The following BACE2 variants were observed in gnomAD, a reference collection of about 807,000 sequenced individuals.
The protein encoded by BACE2 is 56 kDa aspartic-like protease.
In BACE2, 17 loss-of-function variants were observed where a neutral mutation model predicts 46.2. The observed-to-expected ratio is 0.37, with a 90% CI of 0.25 to 0.55. The LOEUF (loss-of-function observed/expected upper bound fraction) is 0.55, where lower values mean the gene tolerates loss of function less well. Among genes scored for constraint, BACE2 ranks in the 20% least tolerant of loss-of-function variants. The probability of loss-of-function intolerance (pLI) is 0.82; values close to 1 mark genes in which losing one functional copy is unlikely to be tolerated. For synonymous variants in BACE2, 277 were observed against 295.9 expected (o/e 0.94, Z 0.66); for missense variants, 595 against 698.1 (o/e 0.85, Z 1.66).
chr21:41,267,413 G>C (rs76706440), intron 8 of BACE2, among the ~76,000 whole-genome samples: 74 of 152,294 alleles, frequency 4.9e-4, no homozygotes, highest in African/African-American at 1.7e-3. Flanking sequence ...ACAACTCTCT[G>C]TTATTTTAGT....
chr21:41,171,752 A>G (rs1311502416), intron 1 of BACE2, among the ~76,000 whole-genome samples: 1 of 152,246 alleles, frequency 6.6e-6, no homozygotes, highest in African/African-American at 2.4e-5. Flanking sequence ...TATACCTTGT[A>G]GTAGCTTCAA....
chr21:41,169,350 C>T (rs1601232711), intron 1 of BACE2, among the ~76,000 whole-genome samples: 1 of 149,510 alleles, frequency 6.7e-6, no homozygotes, highest in South Asian at 2.1e-4. Context: ...GATTACAACA[C>T]AAAAATAAAA....
chr21:41,175,330 A>G (rs983187746), intron 1 of BACE2: 1 of 152,250 alleles, frequency 6.6e-6, no homozygotes, highest in African/African-American at 2.4e-5. Context: ...GAGACTGTCT[A>G]GAGAGTAACG....
chr21:41,251,059 C>T (rs1006719342), intron 7 of BACE2, among the ~76,000 whole-genome samples, 158 bp downstream of exon 7: 5 of 152,222 alleles, frequency 3.3e-5, no homozygotes, highest in African/African-American at 4.8e-5. Flanking sequence ...TGAGTCCAGG[C>T]AGGGCGGTGT....
chr21:41,178,449 C>T (rs919486103), intron 1 of BACE2: 3 of 152,370 alleles, frequency 2.0e-5, no homozygotes, highest in Admixed American at 2.0e-4. Flanking sequence ...TTCTTCGGCA[C>T]ATTGGCTGGG....
At chr21:41,179,037 C>G (rs1984968183) in intron 1 of BACE2, 2 of 1,092,258 alleles carry the variant, frequency 1.8e-6, no homozygotes, top group South Asian at 3.3e-5. Context: ...AAAGCGTGTC[C>G]CAGGCTGCAG....
intron 1 of BACE2, among the ~76,000 whole-genome samples, chr21:41,202,479 T>C (rs57428470): frequency 0.049 from 7,495 of 152,216 alleles, 562 homozygotes; most frequent in African/African-American, 0.16. Context: ...TGGAAAGCAG[T>C]AGGGGATGGG....
intron 8 of BACE2, 145 bp downstream of exon 8, chr21:41,257,471 T>C: frequency 1.0e-6 from 1 of 963,516 alleles, no homozygotes; most frequent in South Asian, 1.7e-5. Context: ...ATCTTCTCAA[T>C]AAAATGGGTC....
intron 1 of BACE2, among the ~76,000 whole-genome samples, chr21:41,195,651 A>G (rs1421743772): frequency 1.3e-5 from 2 of 152,184 alleles, no homozygotes; most frequent in Non-Finnish European, 2.9e-5. Flanking sequence ...AGGTGGGGAA[A>G]CAGCAGTAAA....
In BACE2 at chr21:41,245,972, A is replaced by G; in HGVS notation, c.893A>G (p.Asp298Gly). The change falls in exon 6 of 9, where the codon GAC (aspartate) becomes GGC (glycine). Residue 298 changes from aspartate (D) to glycine (G), a missense_variant. Asp to Gly is a moderately conservative substitution (Grantham distance 94, BLOSUM62 -1). This residue lies in a region of BACE2 where 343 missense variants were observed against 419.4 expected (regional missense o/e 0.82). Transcript: ENST00000330333. ...CTCTCCCGGTTCAAGTATAACGCAG[A>G]CAAGGCCATCGTGGACAGTGGCACC... ...LNLDCREYNA[D>G]KAIVDSGTTL... is the part of the protein sequence containing the mutation. The G allele has an allele frequency of 2.5e-6, 4 of 1,609,340 alleles. No individual in the cohort carries two copies. The highest frequency in any genetic ancestry group is 2.5e-6 in the Non-Finnish European group (3 of 1,177,790).
chr21:41,237,176 A>C lies in BACE2; in HGVS notation c.402-337A>C, dbSNP rs374743196. Among the ~76,000 whole-genome samples, 5 of 152,272 alleles carry C rather than the reference A, an allele frequency of 3.3e-5. No homozygotes were observed. The South Asian group carries it at 6.2e-4, about 19-fold the overall frequency. On this transcript the variant is annotated intron_variant, in intron 2 of 8. Coordinates refer to ENST00000330333, the MANE Select transcript of BACE2 (RefSeq NM_012105.5). The stretch of plus-strand genomic sequence containing the variant: ...GAATGCAAGGGGCTTAGCCGGGCGC[A>C]GTGGCTCACGCCTGTAATCCTAGCA...
rs2088538941 is a variant in BACE2 at position 41,280,729 on chromosome 21, C to T, written c.*5105C>T. 1 of 152,266 alleles carries T rather than the reference C, an allele frequency of 6.6e-6. No homozygotes were observed. The highest frequency in any genetic ancestry group is 2.4e-5 in the African/African-American group (1 of 41,476). 9.4% of individuals were successfully genotyped at this position (152,266 alleles called of 1,614,324 possible). A position where few individuals can be genotyped will look rare whatever the true frequency, so the allele number is the denominator to read the frequency against. On this transcript the variant is annotated 3_prime_UTR_variant, in exon 9 of 9. Coordinates refer to ENST00000330333, the MANE Select transcript of BACE2 (RefSeq NM_012105.5). ...CTCAGGTTGCATCAGTGGCTGGAAT[C>T]TATCACAGCTGTTGGGGATACGTAA...
At chr21:41,197,655 T>TAA (rs371348258) in intron 1 of BACE2, among the ~76,000 whole-genome samples, 1 of 146,966 alleles carries the variant, frequency 6.8e-6, no homozygotes, top group African/African-American at 2.5e-5. Context: ...TTGCTTGTGT[T>TAA]AAAAAAAAAA....
chr21:41,207,102 C>T (rs1052028613), intron 1 of BACE2, among the ~76,000 whole-genome samples: 1 of 152,174 alleles, frequency 6.6e-6, no homozygotes, highest in African/African-American at 2.4e-5. Flanking sequence ...AGAACTAAGA[C>T]ATTACACCTT....
chr21:41,251,327 G>A (rs1008491667), intron 7 of BACE2, among the ~76,000 whole-genome samples: 1 of 152,218 alleles, frequency 6.6e-6, no homozygotes. Flanking sequence ...CCATGATGCT[G>A]CCCAAACAAG....
rs562631315 is a variant in BACE2 at position 41,237,460 on chromosome 21, AAAAATAAAAT to A, written c.402-42_402-33del. ...GACTCCGTCTCAAAAATAAATAAAT[AAAAATAAAAT>A]AAAATAAAATGAATACAATATGCTT... On this transcript the variant is annotated intron_variant, in intron 2 of 8. Coordinates refer to ENST00000330333, the MANE Select transcript of BACE2 (RefSeq NM_012105.5). 1.8e-4 allele frequency: 232 copies of A among 1,285,890 alleles called. 1 individual carries two copies. In the African/African-American group the frequency reaches 3.0e-3, roughly 17 times the overall value. 79.7% of individuals were successfully genotyped at this position (1,285,890 alleles called of 1,614,324 possible).
At chr21:41,183,205 G>T in intron 1 of BACE2, 1 of 164,662 alleles carries the variant, frequency 6.1e-6, no homozygotes. Flanking sequence ...TGCAAAGCTG[G>T]TCACCATTTA....
intron 8 of BACE2, among the ~76,000 whole-genome samples, chr21:41,259,261 C>T (rs796213152): frequency 1.4e-4 from 22 of 152,044 alleles, no homozygotes; most frequent in African/African-American, 5.1e-4. Flanking sequence ...TAAAAATGTA[C>T]TTGAGCTTTT....
intron 1 of BACE2, among the ~76,000 whole-genome samples, chr21:41,214,750 T>G (rs564947113): frequency 2.0e-5 from 3 of 152,346 alleles, no homozygotes; most frequent in African/African-American, 7.2e-5. Context: ...TCCCAGGCAC[T>G]GTCTGAGGTA....
Sources: gnomAD v4.1 joint callset for allele counts (sites outside exome capture counted in the v4.1 genomes callset) on GRCh38, gnomAD v4.1.1 for gene constraint, gnomAD v4.1.1 regional missense constraint, MANE v1.5 for transcripts, NCBI Gene and HGNC (gene_info 2026-07-23, HGNC 2026-07-21) for gene names.